SPTLC3: variants seen among roughly 807,000 people sequenced by gnomAD.
The protein encoded by SPTLC3 is serine palmitoyltransferase 3.
SPTLC3 carries 36 observed loss-of-function variants against 59.3 expected under a neutral mutation model. The observed-to-expected ratio is 0.61, with a 90% CI of 0.47 to 0.80. SPTLC3 has a LOEUF of 0.80. Ranked by LOEUF, SPTLC3 falls within the 30% of genes least tolerant of loss-of-function variation. SPTLC3 has a pLI of 0.00. For missense variants in SPTLC3, 625 were observed against 685.1 expected, an observed-to-expected ratio of 0.91 and a Z score of 0.98; for synonymous variants, 257 against 240.8, an observed-to-expected ratio of 1.07 and a Z score of -0.62.
Position 13,014,750 on chromosome 20 carries a change from G to A in SPTLC3, c.117+5366G>A, listed in dbSNP as rs180802625. Among the ~76,000 whole-genome samples the A allele has an allele frequency of 6.5e-4, 99 of 151,450 alleles. 1 individual carries two copies. The East Asian group carries it at 0.013, about 21-fold the overall frequency. Reference sequence around the variant, plus strand: ...GGACTGAGACTTGTCGGGGACATCTGGGAGATGGCGTACAACACATCTCAA... The same window carrying A: ...GGACTGAGACTTGTCGGGGACATCTAGGAGATGGCGTACAACACATCTCAA... On this transcript the variant is annotated intron_variant, in intron 1 of 11. Coordinates refer to ENST00000399002, the MANE Select transcript of SPTLC3 (RefSeq NM_018327.4).
At chr20:13,046,543 T>C (rs889525235) in intron 1 of SPTLC3, among the ~76,000 whole-genome samples, 3 of 152,162 alleles carry the variant, frequency 2.0e-5, no homozygotes, top group Non-Finnish European at 4.4e-5. Flanking sequence ...TCTGGACAAA[T>C]CCAGCAAGGA....
At chr20:13,153,934 A>G in intron 9 of SPTLC3, 69 bp from the exon 10 acceptor site, 1 of 1,582,806 alleles carries the variant, frequency 6.3e-7, no homozygotes, top group Non-Finnish European at 8.6e-7. Context: ...GATGCTTGCC[A>G]AGTTGACCGG....
At chr20:13,014,269 T>C (rs181642110) in intron 1 of SPTLC3, among the ~76,000 whole-genome samples, 190 of 152,224 alleles carry the variant, frequency 1.2e-3, no homozygotes, top group Non-Finnish European at 2.2e-3. Context: ...TCTTTGGAAA[T>C]AGTCCACCAC....
At chr20:13,029,154 G>A (rs1249291593) in intron 1 of SPTLC3, among the ~76,000 whole-genome samples, 2 of 152,108 alleles carry the variant, frequency 1.3e-5, no homozygotes, top group East Asian at 1.9e-4. Context: ...ATGACAGGAG[G>A]GGCTGGCCTT....
intron 9 of SPTLC3, among the ~76,000 whole-genome samples, chr20:13,139,435 G>A (rs1037564172): frequency 1.3e-5 from 2 of 152,106 alleles, no homozygotes; most frequent in African/African-American, 4.8e-5. Context: ...TGTTTCTGTT[G>A]GGCAAGACAG....
intron 6 of SPTLC3, among the ~76,000 whole-genome samples, chr20:13,098,352 G>A (rs571018458): frequency 5.4e-4 from 82 of 152,138 alleles, no homozygotes; most frequent in Non-Finnish European, 1.1e-3. Flanking sequence ...GACAGACATA[G>A]CTATAAATAT....
intron 1 of SPTLC3, among the ~76,000 whole-genome samples, chr20:13,040,327 T>C (rs1275031272): frequency 6.6e-6 from 1 of 152,168 alleles, no homozygotes; most frequent in Non-Finnish European, 1.5e-5. Context: ...TTAAAATTAT[T>C]TAATAGTAGT....
intron 9 of SPTLC3, among the ~76,000 whole-genome samples, chr20:13,146,603 C>A (rs569277184): frequency 1.3e-4 from 20 of 152,022 alleles, no homozygotes; most frequent in Non-Finnish European, 2.5e-4. Flanking sequence ...ATTCAGGAAG[C>A]AATAATACTA....
At chr20:13,156,882 C>T (rs1340208771) in intron 10 of SPTLC3, among the ~76,000 whole-genome samples, 1 of 152,080 alleles carries the variant, frequency 6.6e-6, no homozygotes, top group Non-Finnish European at 1.5e-5. Context: ...TTTTTGGTTG[C>T]ATTACTCAAA....
At chr20:13,111,567 T>C (rs965820749) in intron 7 of SPTLC3, among the ~76,000 whole-genome samples, 11 of 152,188 alleles carry the variant, frequency 7.2e-5, no homozygotes, top group African/African-American at 2.7e-4. Flanking sequence ...GGCCTTAACT[T>C]GCAATTTTAA....
chr20:13,045,124 G>A (rs1987176465), intron 1 of SPTLC3, among the ~76,000 whole-genome samples: 1 of 152,006 alleles, frequency 6.6e-6, no homozygotes, highest in African/African-American at 2.4e-5. Context: ...GCCAGTAAAA[G>A]AGCTACCTAT....
chr20:13,095,075 T>C (rs997975335), intron 6 of SPTLC3, among the ~76,000 whole-genome samples: 19 of 152,328 alleles, frequency 1.2e-4, no homozygotes, highest in Non-Finnish European at 2.1e-4. Flanking sequence ...AGTAGACGTC[T>C]TTCAAGGCTC....
At chr20:13,085,056 T>G (rs1417947226) in intron 4 of SPTLC3, among the ~76,000 whole-genome samples, 2 of 152,164 alleles carry the variant, frequency 1.3e-5, no homozygotes, top group Non-Finnish European at 2.9e-5. Context: ...CAGGTTGATT[T>G]GTGGTTTCTT....
At chr20:13,056,735 C>A (rs935101537) in intron 2 of SPTLC3, among the ~76,000 whole-genome samples, 1 of 147,410 alleles carries the variant, frequency 6.8e-6, no homozygotes, top group African/African-American at 2.5e-5. Flanking sequence ...CCAGCCCATC[C>A]TTAATCTTTT....
intron 1 of SPTLC3, among the ~76,000 whole-genome samples, chr20:13,011,173 T>C (rs558694442): frequency 3.3e-5 from 5 of 152,262 alleles, no homozygotes; most frequent in South Asian, 2.1e-4. Flanking sequence ...CATAGTGTAA[T>C]AGGGCAAACG....
chr20:13,156,909 A>C (rs971706338), intron 10 of SPTLC3, among the ~76,000 whole-genome samples: 7 of 152,150 alleles, frequency 4.6e-5, no homozygotes, highest in Non-Finnish European at 1.0e-4. Context: ...TGTCCAGAAA[A>C]AATAGTAGGT....
intron 9 of SPTLC3, among the ~76,000 whole-genome samples, chr20:13,141,242 G>C (rs2038375987): frequency 6.6e-6 from 1 of 152,216 alleles, no homozygotes; most frequent in African/African-American, 2.4e-5. Context: ...ACTGTTGGGA[G>C]CTGCAAGCTA....
chr20:13,162,091 TAAGAA>T (rs910197612), intron 11 of SPTLC3, among the ~76,000 whole-genome samples: 1 of 152,230 alleles, frequency 6.6e-6, no homozygotes, highest in African/African-American at 2.4e-5. Context: ...GAGTTGGTGT[TAAGAA>T]AAGACAGGCA....
chr20:13,106,397 T>C (rs1270991699), intron 6 of SPTLC3, among the ~76,000 whole-genome samples: 2 of 152,092 alleles, frequency 1.3e-5, no homozygotes, highest in East Asian at 1.9e-4. Context: ...TAAAAAATAA[T>C]AGACAAGTCG....
Sources: allele counts gnomAD v4.1 joint callset (sites outside exome capture counted in the v4.1 genomes callset), GRCh38; gene constraint gnomAD v4.1.1; transcripts MANE v1.5; gene names NCBI Gene and HGNC (gene_info 2026-07-23, HGNC 2026-07-21).